The following PIK3C2A variants were observed in gnomAD, a reference collection of about 807,000 sequenced individuals.
PIK3C2A encodes the protein phosphatidylinositol 4-phosphate 3-kinase C2 domain-containing subunit alpha.
PIK3C2A carries 97 observed loss-of-function variants against 204.5 expected under a neutral mutation model. That is an observed-to-expected ratio of 0.47 (90% CI 0.40 to 0.56). The LOEUF (loss-of-function observed/expected upper bound fraction) is 0.56. PIK3C2A is among the 20% of genes least tolerant of loss of function. PIK3C2A has a pLI of 0.00. For missense variants in PIK3C2A, 1,735 were observed against 1,969.2 expected, an observed-to-expected ratio of 0.88 and a Z score of 2.25; for synonymous variants, 653 against 664.4, an observed-to-expected ratio of 0.98 and a Z score of 0.26.
intron 4 of PIK3C2A, 52 bp from the exon 5 acceptor site, chr11:17,148,839 G>A: frequency 6.8e-7 from 1 of 1,461,816 alleles, no homozygotes; most frequent in Non-Finnish European, 9.5e-7. Flanking sequence ...ATTTATTCAA[G>A]ACTGTATTAC....
intron 22 of PIK3C2A, among the ~76,000 whole-genome samples, chr11:17,106,946 A>G (rs1225054785): frequency 1.3e-5 from 2 of 152,216 alleles, no homozygotes; most frequent in East Asian, 1.9e-4. Context: ...TCTCAAGTAT[A>G]TATTTTGGCC....
At chr11:17,117,324 C>T (rs1270602253) in intron 19 of PIK3C2A, among the ~76,000 whole-genome samples, 167 bp downstream of exon 19, 1 of 152,034 alleles carries the variant, frequency 6.6e-6, no homozygotes, top group East Asian at 1.9e-4. Flanking sequence ...GAAATATGTT[C>T]CTATATATTT....
Position 17,169,001 on chromosome 11 carries a change from C to T in PIK3C2A, c.741G>A (p.Glu247=). 3.7e-6 allele frequency: 6 copies of T among 1,613,712 alleles called. No individual in the cohort carries two copies. The highest frequency in any genetic ancestry group is 5.1e-6 in the Non-Finnish European group (6 of 1,179,896). ...LKNGKARTDL[E]ITDSKVSNLQ... is the part of the protein sequence containing the mutation. The stretch of plus-strand genomic sequence containing the variant: ...GATTGCTGACTTTTGAATCTGTTAT[C>T]TCCAAATCAGTCCTTGCTTTCCCAT... The change falls in exon 2 of 33, where the codon GAG becomes GAA. Residue 247 remains glutamate, a synonymous_variant. Transcript: ENST00000691414.
At chr11:17,136,978 C>T (rs1022149150) in intron 8 of PIK3C2A, among the ~76,000 whole-genome samples, 1 of 152,192 alleles carries the variant, frequency 6.6e-6, no homozygotes, top group Admixed American at 6.5e-5. Context: ...TAACCCTTCT[C>T]TTCCTCCTGC....
intron 1 of PIK3C2A, among the ~76,000 whole-genome samples, chr11:17,189,514 C>T (rs1448886702): frequency 1.4e-5 from 2 of 146,150 alleles, no homozygotes; most frequent in Non-Finnish European, 2.9e-5. Context: ...ACTCAGGAGA[C>T]TGAGGCTGGA....
At chr11:17,190,627 T>C (rs140734731) in intron 1 of PIK3C2A, among the ~76,000 whole-genome samples, 176 of 150,012 alleles carry the variant, frequency 1.2e-3, no homozygotes, top group Non-Finnish European at 2.1e-3. Context: ...GTAGAAAAGA[T>C]AGACAATATG....
chr11:17,116,007 A>G (rs1344903967), intron 19 of PIK3C2A, among the ~76,000 whole-genome samples: 1 of 152,224 alleles, frequency 6.6e-6, no homozygotes, highest in African/African-American at 2.4e-5. Flanking sequence ...ATATGACACT[A>G]AAAGCATGAG....
At chr11:17,207,459 T>C (rs1264831006) in intron 1 of PIK3C2A, among the ~76,000 whole-genome samples, 1 of 151,748 alleles carries the variant, frequency 6.6e-6, no homozygotes, top group African/African-American at 2.4e-5. Flanking sequence ...GCCAAGAAAA[T>C]AGGACCGGCC....
intron 1 of PIK3C2A, among the ~76,000 whole-genome samples, chr11:17,188,983 C>A (rs1851848741): frequency 1.4e-5 from 2 of 146,900 alleles, no homozygotes; most frequent in Admixed American, 6.6e-5. Flanking sequence ...CTGCAGAGAT[C>A]TCCTGAGACA....
At chr11:17,199,427 T>C (rs192156300) in intron 1 of PIK3C2A, among the ~76,000 whole-genome samples, 3 of 152,354 alleles carry the variant, frequency 2.0e-5, no homozygotes, top group Admixed American at 2.0e-4. Context: ...CATAGCAGCA[T>C]TGTTTATAAT....
At chr11:17,160,589 G>A (rs2137462340) in intron 2 of PIK3C2A, among the ~76,000 whole-genome samples, 1 of 152,144 alleles carries the variant, frequency 6.6e-6, no homozygotes, top group East Asian at 1.9e-4. Context: ...TAGCACTTTG[G>A]GAGGCAGGTG....
chr11:17,125,183 C>A (rs1849483414), intron 13 of PIK3C2A, among the ~76,000 whole-genome samples: 1 of 151,804 alleles, frequency 6.6e-6, no homozygotes, highest in Non-Finnish European at 1.5e-5. Flanking sequence ...GGTTTTAAAA[C>A]AAAAAACAAA....
chr11:17,177,100 C>T (rs1259651484), intron 1 of PIK3C2A, among the ~76,000 whole-genome samples: 1 of 152,138 alleles, frequency 6.6e-6, no homozygotes, highest in Non-Finnish European at 1.5e-5. Flanking sequence ...ACTAATTCTC[C>T]ACAATGCACT....
intron 1 of PIK3C2A, among the ~76,000 whole-genome samples, chr11:17,207,451 C>T (rs1852621549): frequency 6.6e-6 from 1 of 152,178 alleles, no homozygotes; most frequent in Non-Finnish European, 1.5e-5. Flanking sequence ...AACAATCTGC[C>T]AAGAAAATAG....
chr11:17,167,498 G>A (rs150135459), intron 2 of PIK3C2A, among the ~76,000 whole-genome samples: 1,581 of 152,256 alleles, frequency 0.01, 12 homozygotes, highest in South Asian at 0.018. Flanking sequence ...GCACATGCCT[G>A]TAATCCCAGC....
At chr11:17,196,627 T>C (rs1463982568) in intron 1 of PIK3C2A, among the ~76,000 whole-genome samples, 2 of 152,238 alleles carry the variant, frequency 1.3e-5, no homozygotes, top group Admixed American at 1.3e-4. Context: ...TGGAGTGCAG[T>C]GGCTCGATCT....
At chr11:17,165,737 T>C (rs1319264196) in intron 2 of PIK3C2A, among the ~76,000 whole-genome samples, 1 of 122,290 alleles carries the variant, frequency 8.2e-6, no homozygotes, top group Admixed American at 1.0e-4. Context: ...ATCACGCAAT[T>C]GCACTCCAGC....
At chr11:17,187,305 C>A (rs1395745888) in intron 1 of PIK3C2A, among the ~76,000 whole-genome samples, 1 of 152,108 alleles carries the variant, frequency 6.6e-6, no homozygotes, top group Non-Finnish European at 1.5e-5. Context: ...TCAGAAACTA[C>A]AGAGAGATGA....
At chr11:17,124,903 C>A (rs907261699) in intron 13 of PIK3C2A, among the ~76,000 whole-genome samples, 9 of 152,224 alleles carry the variant, frequency 5.9e-5, no homozygotes, top group Admixed American at 5.9e-4. Flanking sequence ...TTTCACATGT[C>A]CTCCTGTATT....
Sources: allele counts gnomAD v4.1 joint callset (sites outside exome capture counted in the v4.1 genomes callset), GRCh38; gene constraint gnomAD v4.1.1; transcripts MANE v1.5; gene names NCBI Gene and HGNC (gene_info 2026-07-23, HGNC 2026-07-21).